SLC35D4: variants seen among roughly 807,000 people sequenced by gnomAD.
SLC35D4 encodes solute carrier family 35 member D4.
the SLC35D4 span, chr18:23,365,763 C>T: frequency 1.1e-5 from 15 of 1,417,022 alleles, no homozygotes; most frequent in Non-Finnish European, 1.5e-5. Context: ...TTAAATATGC[C>T]TAAAAGCAAA....
the SLC35D4 span, among the ~76,000 whole-genome samples, chr18:23,411,780 T>C: frequency 6.6e-6 from 1 of 152,238 alleles, no homozygotes; most frequent in African/African-American, 2.4e-5. Flanking sequence ...AAGCATTTTA[T>C]AAGAAGCTAA....
At chr18:23,268,911 T>C in the SLC35D4 span, among the ~76,000 whole-genome samples, 4 of 152,306 alleles carry the variant, frequency 2.6e-5, no homozygotes, top group South Asian at 4.1e-4. Flanking sequence ...TGACTCTAAA[T>C]CTTAGCTAAA....
chr18:23,263,510 C>A, the SLC35D4 span, among the ~76,000 whole-genome samples: 1 of 152,156 alleles, frequency 6.6e-6, no homozygotes, highest in Non-Finnish European at 1.5e-5. Context: ...AGCTAAGGGG[C>A]TTTTGAAAGT....
chr18:23,388,665 GT>G, the SLC35D4 span, among the ~76,000 whole-genome samples: 1 of 152,208 alleles, frequency 6.6e-6, no homozygotes, highest in East Asian at 1.9e-4. Flanking sequence ...TTGGCTCTGT[GT>G]CCCCACCCAA....
the SLC35D4 span, among the ~76,000 whole-genome samples, chr18:23,242,701 A>G: frequency 6.7e-5 from 10 of 150,198 alleles, no homozygotes; most frequent in African/African-American, 2.4e-4. Context: ...TCAAAAAGAA[A>G]ACCGACTAAC....
the SLC35D4 span, among the ~76,000 whole-genome samples, chr18:23,363,364 ATTTTTTTTTTTT>A: frequency 2.0e-4 from 18 of 90,466 alleles, no homozygotes; most frequent in South Asian, 1.1e-3. Context: ...ACAAAAGCAC[ATTTTTTTTTTTT>A]TTTTTTTTTT....
chr18:23,376,662 C>T, the SLC35D4 span, among the ~76,000 whole-genome samples: 1 of 152,090 alleles, frequency 6.6e-6, no homozygotes, highest in African/African-American at 2.4e-5. Flanking sequence ...TTGGTGTCTA[C>T]CTACAGTGAA....
the SLC35D4 span, among the ~76,000 whole-genome samples, chr18:23,243,926 A>ATT: frequency 1.3e-5 from 2 of 151,770 alleles, no homozygotes; most frequent in Non-Finnish European, 2.9e-5. Context: ...TTCACCCAAG[A>ATT]TTTTGCAGCA....
At chr18:23,300,056 C>G in the SLC35D4 span, among the ~76,000 whole-genome samples, 1 of 152,150 alleles carries the variant, frequency 6.6e-6, no homozygotes, top group Non-Finnish European at 1.5e-5. Context: ...ACCCAAGTTC[C>G]CAACGACCCT....
chr18:23,248,537 TTAA>T, the SLC35D4 span, among the ~76,000 whole-genome samples: 1 of 96,622 alleles, frequency 1.0e-5, no homozygotes, highest in Non-Finnish European at 2.3e-5. Context: ...TTTTTTTTTT[TTAA>T]AAAAAGGCTG....
chr18:23,423,460 G>A, the SLC35D4 span, among the ~76,000 whole-genome samples: 1 of 152,202 alleles, frequency 6.6e-6, no homozygotes, highest in African/African-American at 2.4e-5. Flanking sequence ...CGGAAGGTAT[G>A]CCACTGGAAT....
chr18:23,352,072 A>T, the SLC35D4 span: 1 of 659,998 alleles, frequency 1.5e-6, no homozygotes, highest in Non-Finnish European at 2.5e-6. Context: ...AGGAAGGATC[A>T]GGCTCAGGGA....
At chr18:23,402,187 C>T in the SLC35D4 span, among the ~76,000 whole-genome samples, 1 of 152,202 alleles carries the variant, frequency 6.6e-6, no homozygotes, top group African/African-American at 2.4e-5. Context: ...ACCATAGCCG[C>T]TGCTAAGAAT....
chr18:23,340,077 C>CG, the SLC35D4 span, among the ~76,000 whole-genome samples: 1 of 152,144 alleles, frequency 6.6e-6, no homozygotes, highest in South Asian at 2.1e-4. Context: ...CTAGAGCCTC[C>CG]GTGCATGCCT....
chr18:23,267,202 C>T, the SLC35D4 span, among the ~76,000 whole-genome samples: 1 of 152,216 alleles, frequency 6.6e-6, no homozygotes, highest in Non-Finnish European at 1.5e-5. Context: ...GATGTGGCCT[C>T]ACCTCATTCC....
the SLC35D4 span, chr18:23,373,896 G>A: frequency 4.7e-6 from 4 of 851,138 alleles, no homozygotes; most frequent in Non-Finnish European, 7.1e-6. Context: ...TGGTTCCTCT[G>A]TCCTTCCTCT....
At chr18:23,391,667 T>C in the SLC35D4 span, among the ~76,000 whole-genome samples, 5 of 152,196 alleles carry the variant, frequency 3.3e-5, no homozygotes, top group African/African-American at 1.2e-4. Flanking sequence ...ATTTTATTTT[T>C]TGTAGAGATG....
chr18:23,243,593 C>G, the SLC35D4 span, among the ~76,000 whole-genome samples: 3 of 150,516 alleles, frequency 2.0e-5, no homozygotes, highest in African/African-American at 7.3e-5. Flanking sequence ...AAAACTAACA[C>G]AGGCCTCGGT....
chr18:23,309,835 G>A, the SLC35D4 span: 7 of 1,251,768 alleles, frequency 5.6e-6, no homozygotes, highest in Non-Finnish European at 8.2e-6. Flanking sequence ...GCTCACTTGA[G>A]TTCGGATGCC....
Sources: gnomAD v4.1 joint callset for allele counts (sites outside exome capture counted in the v4.1 genomes callset) on GRCh38, gnomAD v4.1.1 for gene constraint, MANE v1.5 for transcripts, NCBI Gene and HGNC (gene_info 2026-07-23, HGNC 2026-07-21) for gene names.